Variants in DOCK10 observed in about 807,000 individuals in gnomAD.
The protein encoded by DOCK10 is dedicator of cytokinesis protein 10.
Under a neutral mutation model 280.1 loss-of-function variants are expected in DOCK10, and 145 were observed. The ratio of observed to expected loss-of-function variants is 0.52; its 90% CI spans 0.45 to 0.59. The LOEUF is 0.59. DOCK10 is among the 20% of genes least tolerant of loss of function. The pLI is 0.00. For missense variants in DOCK10, 2,368 were observed against 2,651.7 expected (o/e 0.89, Z 2.35); for synonymous variants, 915 against 942.2 (o/e 0.97, Z 0.53).
At chr2:225,041,679 A>C (rs934213325) in intron 1 of DOCK10, among the ~76,000 whole-genome samples, 1 of 152,128 alleles carries the variant, frequency 6.6e-6, no homozygotes, top group Admixed American at 6.5e-5. Flanking sequence ...AGGAGTATTA[A>C]GTGGTTTGTG....
intron 4 of DOCK10, among the ~76,000 whole-genome samples, chr2:224,892,942 C>T (rs949603299): frequency 2.6e-5 from 4 of 152,336 alleles, no homozygotes; most frequent in East Asian, 1.9e-4. Context: ...AAGATCAGCA[C>T]CTGTGGCTAT....
intron 1 of DOCK10, among the ~76,000 whole-genome samples, chr2:225,038,724 C>A (rs1462341595): frequency 6.6e-6 from 1 of 152,122 alleles, no homozygotes; most frequent in East Asian, 1.9e-4. Context: ...ATTAAAAGTG[C>A]ATGTAACTAA....
intron 3 of DOCK10, 82 bp downstream of exon 3, chr2:224,916,613 G>A: frequency 2.4e-6 from 2 of 828,952 alleles, no homozygotes; most frequent in Admixed American, 2.6e-5. Context: ...ATGACAGGAA[G>A]ATAATAATAG....
At chr2:224,898,170 G>T (rs924077333) in intron 3 of DOCK10, among the ~76,000 whole-genome samples, 1 of 152,170 alleles carries the variant, frequency 6.6e-6, no homozygotes, top group African/African-American at 2.4e-5. Flanking sequence ...AAAGGTGGAC[G>T]GAGAACACAT....
intron 12 of DOCK10, 26 bp from the exon 13 acceptor site, chr2:224,864,701 A>G (rs763562785): frequency 9.4e-6 from 15 of 1,596,230 alleles, no homozygotes; most frequent in Non-Finnish European, 1.3e-5. Context: ...GCAGCTAATA[A>G]GCATGGAAGA....
chr2:224,978,021 G>C (rs1207068094), intron 1 of DOCK10, among the ~76,000 whole-genome samples: 1 of 152,150 alleles, frequency 6.6e-6, no homozygotes, highest in Non-Finnish European at 1.5e-5. Flanking sequence ...AGTTAAGTGG[G>C]CATCTTTATC....
chr2:225,038,417 T>C (rs1339220009), intron 1 of DOCK10, among the ~76,000 whole-genome samples: 1 of 152,210 alleles, frequency 6.6e-6, no homozygotes, highest in Non-Finnish European at 1.5e-5. Flanking sequence ...GCTCTTTGGT[T>C]GGTCAAAGGT....
intron 50 of DOCK10, chr2:224,784,738 A>G (rs756092670): frequency 7.8e-7 from 1 of 1,289,856 alleles, no homozygotes; most frequent in South Asian, 1.2e-5. Flanking sequence ...AGAACTTACC[A>G]CAGCCTGGAA....
intron 51 of DOCK10, among the ~76,000 whole-genome samples, chr2:224,775,686 G>A (rs1690802522): frequency 6.6e-6 from 1 of 152,182 alleles, no homozygotes; most frequent in African/African-American, 2.4e-5. Context: ...CTGTTGGCCA[G>A]GCTGGTCTCA....
chr2:224,876,532 C>A (rs889891464), intron 7 of DOCK10, among the ~76,000 whole-genome samples: 2 of 152,180 alleles, frequency 1.3e-5, no homozygotes, highest in African/African-American at 4.8e-5. Flanking sequence ...CTTTGAGTTT[C>A]TGCCTTGACT....
chr2:224,770,066 C>T lies in DOCK10; in HGVS notation c.6444+145G>A, dbSNP rs943239996. On this transcript the variant is annotated intron_variant, in intron 55 of 55. Coordinates refer to ENST00000258390, the MANE Select transcript of DOCK10 (RefSeq NM_014689.3). The surrounding 1 kb of genome is among the most constrained non-coding windows in gnomAD (Gnocchi z 4.5). ...CTGCTTTGGGGCACGAGGTGGTGTG[C>T]ACGGGAGAGAGAACAGATCAGCAAC... 23 of 910,258 alleles carry T rather than the reference C, an allele frequency of 2.5e-5. No homozygotes were observed. The highest frequency in any genetic ancestry group is 3.2e-5 in the Non-Finnish European group (21 of 657,082). 56.4% of individuals were successfully genotyped at this position (910,258 alleles called of 1,614,324 possible).
At chr2:224,843,355 GC>G (rs1404483886) in intron 22 of DOCK10, among the ~76,000 whole-genome samples, 2 of 152,212 alleles carry the variant, frequency 1.3e-5, no homozygotes, top group Non-Finnish European at 2.9e-5. Context: ...AGAGACCTCA[GC>G]TATTTGGAGA....
At position 224,841,868 on chromosome 2, in the gene DOCK10, T is replaced by C; in HGVS notation, c.2597A>G (p.Glu866Gly). ...CATATCTTTCTCTCTTTTTTGGCAC[T>C]CTTGGAAAAATGCATTCACATGTGG... Reference protein sequence around the residue: ...QDPHVNAFFQECQKREKDMSQ... With the variant: ...QDPHVNAFFQGCQKREKDMSQ... Residue 866 changes from glutamate (E) to glycine (G), a missense_variant, in exon 23 of 56, where the codon GAG (glutamate) becomes GGG (glycine). Physicochemically the swap from Glu to Gly is moderately conservative, Grantham distance 98 (BLOSUM62 -2). Around this residue, in one of 2 missense-constraint regions of DOCK10, gnomAD observed 1,209 missense variants for 1,250.9 expected, o/e 0.97. Coordinates refer to ENST00000258390, the MANE Select transcript of DOCK10 (RefSeq NM_014689.3). 1 of 1,613,432 alleles carries C rather than the reference T, an allele frequency of 6.2e-7. No individual in the cohort carries two copies. Among genetic ancestry groups the C allele is most frequent in the Non-Finnish European group, 8.5e-7 (1 of 1,179,432 alleles).
At chr2:224,794,802 A>T in intron 45 of DOCK10, 77 bp downstream of exon 45, 1 of 1,393,294 alleles carries the variant, frequency 7.2e-7, no homozygotes, top group Non-Finnish European at 1.0e-6. Context: ...TTTCTAGTCC[A>T]TGCTGTAAAT....
intron 11 of DOCK10, among the ~76,000 whole-genome samples, chr2:224,872,280 T>A (rs4674946): frequency 6.6e-6 from 1 of 152,112 alleles, no homozygotes; most frequent in African/African-American, 2.4e-5. Context: ...ATTTAACGAA[T>A]GCTTACTTTG....
chr2:224,940,103 T>C (rs1201659339), intron 1 of DOCK10, among the ~76,000 whole-genome samples: 1 of 152,176 alleles, frequency 6.6e-6, no homozygotes, highest in Non-Finnish European at 1.5e-5. Flanking sequence ...ATTCAACGCT[T>C]TCCTGCCGAA....
At chr2:224,835,819 A>G (rs953379838) in intron 25 of DOCK10, among the ~76,000 whole-genome samples, 2 of 152,256 alleles carry the variant, frequency 1.3e-5, no homozygotes, top group African/African-American at 4.8e-5. Flanking sequence ...TATCAGCCTA[A>G]AATTCCACAT....
Position 224,804,147 on chromosome 2 carries a change from A to G in DOCK10, c.4233T>C (p.Asn1411=). Reference sequence around the variant, plus strand: ...AGAGACCTGATGTCTGGCAGGAAGGATTGGATCCTTTGAGAGTTCCATTGT... The same window carrying G: ...AGAGACCTGATGTCTGGCAGGAAGGGTTGGATCCTTTGAGAGTTCCATTGT... ...TQNNGTLKGS[N]PSCQTSGLLS... The change falls in exon 39 of 56, where the codon AAT becomes AAC. Residue 1411 remains asparagine (N), a synonymous_variant. Transcript: ENST00000258390. The G allele has an allele frequency of 6.2e-7, 1 of 1,611,940 alleles. No individual in the cohort carries two copies.
chr2:224,906,489 A>T (rs1700644398), intron 3 of DOCK10, among the ~76,000 whole-genome samples: 1 of 152,064 alleles, frequency 6.6e-6, no homozygotes, highest in Admixed American at 6.6e-5. Flanking sequence ...TTTTAGATGG[A>T]ATCTCACTCT....
Sources: gnomAD v4.1 joint callset for allele counts (sites outside exome capture counted in the v4.1 genomes callset) on GRCh38, gnomAD v4.1.1 for gene constraint, gnomAD v4.1.1 regional missense constraint, Gnocchi (gnomAD v3.1) non-coding constraint, MANE v1.5 for transcripts, NCBI Gene and HGNC (gene_info 2026-07-23, HGNC 2026-07-21) for gene names.